The following CDH16 variants were observed in gnomAD, a reference collection of about 807,000 sequenced individuals.
CDH16 encodes cadherin 16.
In CDH16, 79 loss-of-function variants were observed where a neutral mutation model predicts 87.6. That is an observed-to-expected ratio of 0.90 (90% CI 0.75 to 1.09). CDH16 has a LOEUF of 1.09. Ranked by LOEUF, CDH16 falls within the 50% of genes least tolerant of loss-of-function variation. The pLI, the probability that CDH16 is intolerant of heterozygous loss-of-function variation, is 0.00. For synonymous variants in CDH16, 457 were observed against 439.5 expected (o/e 1.04, Z -0.50); for missense variants, 1,124 against 1,071.7 (o/e 1.05, Z -0.68).
intron 12 of CDH16, 34 bp from the exon 13 acceptor site, chr16:66,912,174 C>T: frequency 6.2e-7 from 1 of 1,605,272 alleles, no homozygotes; most frequent in Non-Finnish European, 8.5e-7. Flanking sequence ...CTGTGCGGGC[C>T]TGGGCAAGGC....
intron 14 of CDH16, 159 bp from the exon 15 acceptor site, chr16:66,910,661 T>G (rs1962372570): frequency 2.6e-6 from 2 of 779,242 alleles, no homozygotes; most frequent in African/African-American, 3.5e-5. Flanking sequence ...CCCATGCCAC[T>G]GTGGACATCC....
In CDH16 at chr16:66,912,766, C is replaced by T; in HGVS notation, c.1180G>A (p.Asp394Asn). Residue 394 changes from aspartate to asparagine, a missense_variant, in exon 10 of 18, where the codon GAC becomes AAC. Coordinates refer to ENST00000299752, the MANE Select transcript of CDH16 (RefSeq NM_004062.4). Reference sequence around the variant, plus strand: ...AGCGTCACACTGCCTGAAGTGGGGTCCACCTGGAAGGCTCTCCCCTCTACC... The same window carrying T: ...AGCGTCACACTGCCTGAAGTGGGGTTCACCTGGAAGGCTCTCCCCTCTACC... The part of the protein sequence containing the change: ...DGVEGRAFQV[D>N]PTSGSVTLGV... 2 of 1,613,664 alleles carry T rather than the reference C, an allele frequency of 1.2e-6. No homozygotes were observed. The highest frequency in any genetic ancestry group is 2.2e-5 in the East Asian group (1 of 44,868).
chr16:66,915,441 T>G (rs1962637064), intron 5 of CDH16, 63 bp from the exon 6 acceptor site: 1 of 1,506,826 alleles, frequency 6.6e-7, no homozygotes, highest in Non-Finnish European at 9.1e-7. Context: ...CTCCCATGCC[T>G]CTCCTATTTC....
At position 66,912,083 on chromosome 16, in the gene CDH16, C is replaced by A; in HGVS notation, c.1606G>T (p.Ala536Ser). 1 of 1,614,010 alleles carries A rather than the reference C, an allele frequency of 6.2e-7. No individual in the cohort carries two copies. Among genetic ancestry groups the A allele is most frequent in the Non-Finnish European group, 8.5e-7 (1 of 1,179,998 alleles). Residue 536 changes from alanine (A) to serine (S), a missense_variant, in exon 13 of 18, where the codon GCG (alanine) becomes TCG (serine). Coordinates refer to ENST00000299752, the MANE Select transcript of CDH16 (RefSeq NM_004062.4). Reference protein sequence around the residue: ...HEVVVVVQSVAKLVGPGPGPG... With the variant: ...HEVVVVVQSVSKLVGPGPGPG... ...CCTGGGCCTGGCCCCACCAGCTTCG[C>A]CACACTCTGCACCACCACCACCACC...
chr16:66,917,386 G>C (rs1404660765), intron 3 of CDH16, among the ~76,000 whole-genome samples: 4 of 151,958 alleles, frequency 2.6e-5, no homozygotes, highest in Non-Finnish European at 5.9e-5. Flanking sequence ...TCTAGATTTG[G>C]GTTCCATTCC....
intron 5 of CDH16, 27 bp from the exon 6 acceptor site, chr16:66,915,405 T>C (rs532238045): frequency 2.5e-6 from 4 of 1,610,636 alleles, no homozygotes; most frequent in East Asian, 4.5e-5. Flanking sequence ...GGGCAAACTG[T>C]AAGGGATAGA....
intron 15 of CDH16, 83 bp downstream of exon 15, chr16:66,910,177 C>A: frequency 6.4e-7 from 1 of 1,556,060 alleles, no homozygotes; most frequent in Non-Finnish European, 8.7e-7. Context: ...AGCCCCACCC[C>A]CATGGTAGAA....
intron 9 of CDH16, 72 bp downstream of exon 9, chr16:66,913,059 G>T: frequency 6.6e-7 from 1 of 1,525,292 alleles, no homozygotes; most frequent in Non-Finnish European, 8.9e-7. Flanking sequence ...CTGAGGCTGG[G>T]TCCTTATCCC....
chr16:66,909,998 G>A lies in CDH16; in HGVS notation c.2263C>T (p.Leu755Phe). The part of the protein sequence containing the change: ...VVSHNAQMWQ[L>F]LVRVIVCRCN... ...AGCCCAATCTCACCTCGAACCAGGA[G>A]CTGCCACATCTGGGCATTGTGGCTG... is the stretch of plus-strand genomic sequence containing the variant. Residue 755 changes from leucine (L) to phenylalanine (F), a missense_variant, in exon 16 of 18, where the codon CTC (leucine) becomes TTC (phenylalanine). By Grantham distance (22) the Leu-to-Phe change is conservative (BLOSUM62 0). Coordinates refer to ENST00000299752, the MANE Select transcript of CDH16 (RefSeq NM_004062.4). This position sits in a 1 kb window ranked among gnomAD's most constrained non-coding sequence, Gnocchi z 4.1. 1 of 1,604,542 alleles carries A rather than the reference G, an allele frequency of 6.2e-7. No individual in the cohort carries two copies. Among genetic ancestry groups the A allele is most frequent in the Non-Finnish European group, 8.5e-7 (1 of 1,174,654 alleles).
At chr16:66,915,191 C>T (rs1386734283) in intron 6 of CDH16, 29 bp downstream of exon 6, 5 of 1,572,642 alleles carry the variant, frequency 3.2e-6, no homozygotes, top group African/African-American at 1.4e-5. Context: ...TCTGACCCTC[C>T]CTCCCCAGCA....
Position 66,912,148 on chromosome 16 carries a change from C to T in CDH16, c.1549-8G>A. The T allele has an allele frequency of 6.2e-7, 1 of 1,610,260 alleles. No individual in the cohort carries two copies. The highest frequency in any genetic ancestry group is 8.5e-7 in the Non-Finnish European group (1 of 1,177,194). On this transcript the variant is annotated splice_region_variant and splice_polypyrimidine_tract_variant and intron_variant, in intron 12 of 17. Coordinates refer to ENST00000299752, the MANE Select transcript of CDH16 (RefSeq NM_004062.4). ...TGCCTCATAACTGAGGTTCTGGAAC[C>T]AGGAGGCCCAGGTCACTGTGCGGGC... is the stretch of plus-strand genomic sequence containing the variant.
At chr16:66,912,209 G>A in intron 12 of CDH16, 33 bp downstream of exon 12, 1 of 1,599,978 alleles carries the variant, frequency 6.3e-7, no homozygotes, top group Non-Finnish European at 8.5e-7. Context: ...GCGTGCATGT[G>A]TGGGCCCCTT....
chr16:66,912,940 C>T, intron 9 of CDH16, 49 bp from the exon 10 acceptor site: 2 of 1,527,214 alleles, frequency 1.3e-6, no homozygotes, highest in East Asian at 2.3e-5. Context: ...AGCCTGGAGA[C>T]CTTACCCCAC....
intron 7 of CDH16, 152 bp downstream of exon 7, chr16:66,914,064 A>T (rs1962562856): frequency 1.5e-6 from 1 of 665,370 alleles, no homozygotes; most frequent in East Asian, 2.7e-5. Context: ...AGGGCCTTGA[A>T]CACCCCAGTC....
At chr16:66,911,521 T>A (rs1376346602) in intron 13 of CDH16, among the ~76,000 whole-genome samples, 2 of 152,166 alleles carry the variant, frequency 1.3e-5, no homozygotes, top group Non-Finnish European at 2.9e-5. Flanking sequence ...GAACAGATCA[T>A]GTGGGTAAGG....
chr16:66,911,164 A>T lies in CDH16; in HGVS notation c.1924+18T>A, dbSNP rs1388942767. On this transcript the variant is annotated intron_variant, in intron 14 of 17. Coordinates refer to ENST00000299752, the MANE Select transcript of CDH16 (RefSeq NM_004062.4). ...TTTGTACCCCCTCCCAGGGGCTCCC[A>T]TCACTGCCTGGCCATACCTGTATCC... 1 of 1,599,264 alleles carries T rather than the reference A, an allele frequency of 6.3e-7. No individual in the cohort carries two copies. The highest frequency in any genetic ancestry group is 1.3e-5 in the African/African-American group (1 of 74,530).
intron 8 of CDH16, 43 bp downstream of exon 8, chr16:66,913,448 C>A: frequency 1.9e-6 from 3 of 1,611,882 alleles, no homozygotes; most frequent in Non-Finnish European, 2.5e-6. Context: ...GGACACTGAC[C>A]AAGCACCCCC....
rs530896392 is a variant in CDH16, at chr16:66,915,518, C to G, written c.425-140G>C. The G allele has an allele frequency of 1.3e-5, 12 of 925,376 alleles. No individual in the cohort carries two copies. In the Admixed American group the frequency reaches 2.8e-4, roughly 22 times the overall value. The allele number at this position is 925,376 out of a possible 1,614,324, so 57.3% of individuals were successfully genotyped here. A position where few individuals can be genotyped will look rare whatever the true frequency, so the allele number is the denominator to read the frequency against. ...CCGGAGATGAGCCACGGCTTTTCGTCCTACTTCCCAGATGAGCAAACTGAA... is the reference window on the plus strand; with the variant it reads ...CCGGAGATGAGCCACGGCTTTTCGTGCTACTTCCCAGATGAGCAAACTGAA... On this transcript the variant is annotated intron_variant, in intron 5 of 17. Transcript: ENST00000299752.
Position 66,913,461 on chromosome 16 carries a change from C to A in CDH16, c.903+30G>T, listed in dbSNP as rs200400056. ...CTGGACACTGACCAAGCACCCCCAG[C>A]CTGCATCCCTGGCTCCCCCTTCATA... On this transcript the variant is annotated intron_variant, in intron 8 of 17. Transcript: ENST00000299752. 51 of 1,613,940 alleles carry A rather than the reference C, an allele frequency of 3.2e-5. No individual in the cohort carries two copies. The Admixed American group carries it at 6.0e-4, about 19-fold the overall frequency.
Sources: allele counts gnomAD v4.1 joint callset (sites outside exome capture counted in the v4.1 genomes callset), GRCh38; gene constraint gnomAD v4.1.1; non-coding constraint Gnocchi (gnomAD v3.1); transcripts MANE v1.5; gene names NCBI Gene and HGNC (gene_info 2026-07-23, HGNC 2026-07-21).